Variants in SPRED1 observed in about 807,000 individuals in gnomAD.
SPRED1 encodes sprouty related EVH1 domain containing 1, also known as sprouty-related, EVH1 domain-containing protein 1.
Under a neutral mutation model 52.3 loss-of-function variants are expected in SPRED1, and 18 were observed. That is an observed-to-expected ratio of 0.34 (90% CI 0.24 to 0.51). SPRED1 has a LOEUF of 0.51. SPRED1 is among the 20% of genes least tolerant of loss of function. The pLI is 0.97. For missense variants in SPRED1, 485 were observed against 551.0 expected (o/e 0.88, Z 1.20); for synonymous variants, 155 against 179.7 (o/e 0.86, Z 1.10).
At chr15:38,275,709 G>C (rs1031101402) in intron 1 of SPRED1, among the ~76,000 whole-genome samples, 1 of 152,152 alleles carries the variant, frequency 6.6e-6, no homozygotes, top group African/African-American at 2.4e-5. Flanking sequence ...TGTTCGTCAG[G>C]CTGGTCTTGA....
intron 1 of SPRED1, among the ~76,000 whole-genome samples, chr15:38,287,473 A>G (rs183657289): frequency 1.3e-5 from 2 of 152,212 alleles, no homozygotes; most frequent in Admixed American, 6.5e-5. Flanking sequence ...ATGGCCCTGT[A>G]TGAGCTGGTC....
chr15:38,252,891 C>T lies in SPRED1; in HGVS notation c.-295C>T, dbSNP rs1397736955. The T allele has an allele frequency of 2.5e-5, 13 of 520,886 alleles. No homozygotes were observed. In the East Asian group the frequency reaches 4.5e-4, roughly 18 times the overall value. The allele number at this position is 520,886 out of a possible 1,614,324, so 32.3% of individuals were successfully genotyped here. ...AGCTCTCCAGTCAGCCTTTGCAGCCCCTCTCTTTTTCCCTTTCCACCGGGC... is the reference window on the plus strand; with the variant it reads ...AGCTCTCCAGTCAGCCTTTGCAGCCTCTCTCTTTTTCCCTTTCCACCGGGC... On this transcript the variant is annotated 5_prime_UTR_variant, in exon 1 of 7. Transcript: ENST00000299084.
chr15:38,325,266 T>A (rs570455392), intron 4 of SPRED1, among the ~76,000 whole-genome samples: 2 of 152,330 alleles, frequency 1.3e-5, no homozygotes, highest in East Asian at 3.8e-4. Context: ...TAAAATCATG[T>A]ATAAAATTAC....
At chr15:38,280,705 A>T (rs991800305) in intron 1 of SPRED1, among the ~76,000 whole-genome samples, 1 of 152,186 alleles carries the variant, frequency 6.6e-6, no homozygotes, top group African/African-American at 2.4e-5. Flanking sequence ...TTTGATAATC[A>T]AAAGCCCTTG....
chr15:38,346,713 A>C (rs1276400603), intron 5 of SPRED1, among the ~76,000 whole-genome samples: 1 of 152,158 alleles, frequency 6.6e-6, no homozygotes, highest in African/African-American at 2.4e-5. Flanking sequence ...GCTAGTACAA[A>C]CTTTCTTGTC....
chr15:38,280,537 G>A (rs1201709775), intron 1 of SPRED1, among the ~76,000 whole-genome samples: 1 of 150,156 alleles, frequency 6.7e-6, no homozygotes, highest in African/African-American at 2.4e-5. Flanking sequence ...TGTTTTTTGT[G>A]GAGATAATTA....
At chr15:38,281,937 A>G (rs1457215993) in intron 1 of SPRED1, among the ~76,000 whole-genome samples, 1 of 152,158 alleles carries the variant, frequency 6.6e-6, no homozygotes, top group Non-Finnish European at 1.5e-5. Flanking sequence ...CTAGTTCAGT[A>G]TGAGCTCTTA....
At position 38,297,230 on chromosome 15, in the gene SPRED1, A is replaced by G. The variant is rs530065324; in HGVS notation, c.33-2143A>G. 8.5e-5 allele frequency among the ~76,000 whole-genome samples: 13 copies of G among 152,368 alleles called. No homozygotes were observed. In the South Asian group the frequency reaches 2.5e-3, roughly 29 times the overall value. On this transcript the variant is annotated intron_variant, in intron 1 of 6. Transcript: ENST00000299084. ...TCTCCTGCTGTGTATGAAAGGATAT[A>G]TTTGAAATTACTATTCAAATATGAT...
At chr15:38,345,884 T>C (rs1896124832) in intron 5 of SPRED1, among the ~76,000 whole-genome samples, 1 of 152,090 alleles carries the variant, frequency 6.6e-6, no homozygotes, top group Non-Finnish European at 1.5e-5. Flanking sequence ...GAAAAGATAG[T>C]CTAAAACAAA....
At chr15:38,287,616 T>C (rs1022232787) in intron 1 of SPRED1, among the ~76,000 whole-genome samples, 1 of 152,170 alleles carries the variant, frequency 6.6e-6, no homozygotes, top group Non-Finnish European at 1.5e-5. Flanking sequence ...CATCTGTGAA[T>C]TGAGCCAGCT....
chr15:38,319,918 T>C (rs2140993086), intron 2 of SPRED1, among the ~76,000 whole-genome samples: 1 of 152,314 alleles, frequency 6.6e-6, no homozygotes, highest in African/African-American at 2.4e-5. Flanking sequence ...TACATACCTC[T>C]ACCATGGCTG....
chr15:38,316,135 A>G (rs897214706), intron 2 of SPRED1, among the ~76,000 whole-genome samples: 2 of 152,036 alleles, frequency 1.3e-5, no homozygotes, highest in African/African-American at 4.8e-5. Flanking sequence ...TTTCACTCAT[A>G]TAAAAATCAA....
chr15:38,335,002 A>G (rs937893073), intron 4 of SPRED1, among the ~76,000 whole-genome samples: 1 of 151,890 alleles, frequency 6.6e-6, no homozygotes, highest in Non-Finnish European at 1.5e-5. Context: ...CCTATTTTTT[A>G]CATCTTTCCT....
chr15:38,322,858 A>G (rs1895632774), intron 3 of SPRED1, among the ~76,000 whole-genome samples: 1 of 152,102 alleles, frequency 6.6e-6, no homozygotes. Flanking sequence ...TACTTGATTG[A>G]TTTCATTATT....
chr15:38,283,308 C>T (rs1444835334), intron 1 of SPRED1, among the ~76,000 whole-genome samples: 1 of 152,156 alleles, frequency 6.6e-6, no homozygotes, highest in Non-Finnish European at 1.5e-5. Flanking sequence ...CCCCCATCAT[C>T]CAGTCACCTC....
chr15:38,316,748 G>GTTTTTTTTT (rs1555390721), intron 2 of SPRED1, among the ~76,000 whole-genome samples: 3 of 41,896 alleles, frequency 7.2e-5, no homozygotes, highest in African/African-American at 1.9e-4. Context: ...TCCATTATAT[G>GTTTTTTTTT]TTTTTTTTTT....
Position 38,352,716 on chromosome 15 carries a change from T to G in SPRED1, c.*1052T>G, listed in dbSNP as rs980056757. ...TTGAGATCTTCACGTATCATTCTGC[T>G]AAACCAGAATATGTTCAGCTGTGTT... On this transcript the variant is annotated 3_prime_UTR_variant, in exon 7 of 7. Transcript: ENST00000299084. 6.6e-6 allele frequency: 1 copy of G among 152,176 alleles called. No homozygotes were observed. Among genetic ancestry groups the G allele is most frequent in the Non-Finnish European group, 1.5e-5 (1 of 67,970 alleles). 9.4% of individuals were successfully genotyped at this position (152,176 alleles called of 1,614,324 possible).
chr15:38,282,318 TAC>T (rs36184596), intron 1 of SPRED1, among the ~76,000 whole-genome samples: 1 of 59,148 alleles, frequency 1.7e-5, no homozygotes, highest in African/African-American at 4.2e-5. Context: ...CTACTAAAAA[TAC>T]ACACACACAC....
chr15:38,330,960 T>C (rs1413782491), intron 4 of SPRED1, among the ~76,000 whole-genome samples: 1 of 152,044 alleles, frequency 6.6e-6, no homozygotes, highest in Admixed American at 6.6e-5. Context: ...AGAAGCAAAA[T>C]CTTTTTTTGT....
Sources: allele counts gnomAD v4.1 joint callset (sites outside exome capture counted in the v4.1 genomes callset), GRCh38; gene constraint gnomAD v4.1.1; transcripts MANE v1.5; gene names NCBI Gene and HGNC (gene_info 2026-07-23, HGNC 2026-07-21).